Variants in PHF1 observed in about 807,000 individuals in gnomAD.
PHF1 encodes polycomb-like 1.
PHF1 carries 16 observed loss-of-function variants against 69.4 expected under a neutral mutation model. That is an observed-to-expected ratio of 0.23 (90% CI 0.16 to 0.35). The LOEUF (loss-of-function observed/expected upper bound fraction) is 0.35. PHF1 is among the 10% of genes least tolerant of loss of function. The probability of loss-of-function intolerance (pLI) is 1.00; values close to 1 mark genes in which losing one functional copy is unlikely to be tolerated. For synonymous variants in PHF1, 274 were observed against 275.0 expected (o/e 1.00, Z 0.04); for missense variants, 515 against 732.8 (o/e 0.70, Z 3.43).
In PHF1 at chr6:33,416,130, A is replaced by G. The variant is rs1053159017; in HGVS notation, c.*32A>G. On this transcript the variant is annotated 3_prime_UTR_variant, in exon 15 of 15. Coordinates refer to ENST00000374516, the MANE Select transcript of PHF1 (RefSeq NM_024165.3). Reference sequence around the variant, plus strand: ...TGCCTCTGCCCAGCTCCCCATTCACACACACCGGCACTTTCATACCCTGAC... The same window carrying G: ...TGCCTCTGCCCAGCTCCCCATTCACGCACACCGGCACTTTCATACCCTGAC... The G allele has an allele frequency of 6.7e-7, 1 of 1,501,134 alleles. No homozygotes were observed. Among genetic ancestry groups the G allele is most frequent in the African/African-American group, 1.4e-5 (1 of 71,822 alleles). The allele number at this position is 1,501,134 out of a possible 1,614,324, so 93.0% of individuals were successfully genotyped here. A position where few individuals can be genotyped will look rare whatever the true frequency, so the allele number is the denominator to read the frequency against.
intron 6 of PHF1, 22 bp downstream of exon 6, chr6:33,413,579 G>C (rs1202954396): frequency 1.9e-6 from 3 of 1,613,912 alleles, no homozygotes; most frequent in Non-Finnish European, 2.5e-6. Flanking sequence ...GAGGGGAGCA[G>C]ACTGTGGAAT....
chr6:33,414,357 C>T lies in PHF1; in HGVS notation c.867C>T (p.Leu289=), dbSNP rs955233905. ...PFTSENWDSL[L]LGELSDTPKG... is the part of the protein sequence containing the mutation. ...CTTCTGAGAATTGGGACAGTTTGCT[C>T]CTGGGGGAGGTAAGGGGTAGTGCAG... The change falls in exon 9 of 15, where the codon CTC becomes CTT. Residue 289 remains leucine (L), a synonymous_variant. Coordinates refer to ENST00000374516, the MANE Select transcript of PHF1 (RefSeq NM_024165.3). This position sits in a 1 kb window ranked among gnomAD's most constrained non-coding sequence, Gnocchi z 5.0. 5.0e-6 allele frequency: 8 copies of T among 1,613,926 alleles called. No homozygotes were observed. The highest frequency in any genetic ancestry group is 3.3e-5 in the Admixed American group (2 of 59,994).
chr6:33,415,412 C>A, intron 13 of PHF1, 83 bp downstream of exon 13: 2 of 1,290,738 alleles, frequency 1.5e-6, no homozygotes, highest in Non-Finnish European at 2.2e-6. Context: ...GAATTCTTTT[C>A]CCTCTCCCCC....
Position 33,414,342 on chromosome 6 carries a change from T to C in PHF1, c.852T>C (p.Asn284=), listed in dbSNP as rs200906573. The C allele has an allele frequency of 1.9e-6, 3 of 1,614,140 alleles. No individual in the cohort carries two copies. The highest frequency in any genetic ancestry group is 2.5e-6 in the Non-Finnish European group (3 of 1,180,004). ...DREILPFTSE[N]WDSLLLGELS... is the part of the protein sequence containing the mutation. The stretch of plus-strand genomic sequence containing the variant: ...AGATCCTCCCCTTCACTTCTGAGAA[T>C]TGGGACAGTTTGCTCCTGGGGGAGG... Residue 284 remains asparagine, a synonymous_variant, in exon 9 of 15, where the codon AAT becomes AAC. Coordinates refer to ENST00000374516, the MANE Select transcript of PHF1 (RefSeq NM_024165.3). The surrounding 1 kb of genome is among the most constrained non-coding windows in gnomAD (Gnocchi z 5.0).
At chr6:33,411,618 C>T (rs1581936984) in intron 1 of PHF1, among the ~76,000 whole-genome samples, 1 of 152,126 alleles carries the variant, frequency 6.6e-6, no homozygotes, top group Admixed American at 6.5e-5. Context: ...GCTTCTACAA[C>T]CATAATTTCT....
chr6:33,413,012 C>T (rs767675090), intron 4 of PHF1, 184 bp from the exon 5 acceptor site: 15 of 698,452 alleles, frequency 2.1e-5, no homozygotes, highest in South Asian at 3.4e-5. Context: ...CTTTTCTAAC[C>T]ATATGACCTC....
In PHF1 at chr6:33,414,845, G is replaced by C; in HGVS notation, c.1049+16G>C. Reference sequence around the variant, plus strand: ...CACTCACCAGGTCACTGGTCCAGGGGGGATGGGGGAAATTCTCAGGGTGTT... The same window carrying C: ...CACTCACCAGGTCACTGGTCCAGGGCGGATGGGGGAAATTCTCAGGGTGTT... On this transcript the variant is annotated intron_variant, in intron 11 of 14. Transcript: ENST00000374516. This position sits in a 1 kb window ranked among gnomAD's most constrained non-coding sequence, Gnocchi z 5.0. 1.2e-6 allele frequency: 2 copies of C among 1,606,806 alleles called. No individual in the cohort carries two copies. The highest frequency in any genetic ancestry group is 2.2e-5 in the East Asian group (1 of 44,820).
At position 33,411,123 on chromosome 6, in the gene PHF1, C is replaced by T. The variant is rs1312002821; in HGVS notation, c.-109C>T. On this transcript the variant is annotated 5_prime_UTR_variant, in exon 1 of 15. Coordinates refer to ENST00000374516, the MANE Select transcript of PHF1 (RefSeq NM_024165.3). ...CCCCCGGCCTCCGCCTGCACGCCCC[C>T]CCACGCCCGGACGTGCCCTCTCCGC... The T allele has an allele frequency of 6.6e-6, 1 of 152,142 alleles. No homozygotes were observed. The highest frequency in any genetic ancestry group is 1.5e-5 in the Non-Finnish European group (1 of 68,098). The allele number at this position is 152,142 out of a possible 1,614,324, so 9.4% of individuals were successfully genotyped here.
Position 33,416,286 on chromosome 6 carries a change from C to T in PHF1, c.*188C>T, listed in dbSNP as rs555058519. On this transcript the variant is annotated 3_prime_UTR_variant, in exon 15 of 15. Coordinates refer to ENST00000374516, the MANE Select transcript of PHF1 (RefSeq NM_024165.3). Reference sequence around the variant, plus strand: ...CTCTACCCTCCTTCATGATTCCTGACCCCTCCCATCCTTCCCATTTCCTTT... The same window carrying T: ...CTCTACCCTCCTTCATGATTCCTGATCCCTCCCATCCTTCCCATTTCCTTT... 1.1e-3 allele frequency: 551 copies of T among 493,936 alleles called. 1 individual carries two copies. The highest frequency in any genetic ancestry group is 1.6e-3 in the Non-Finnish European group (442 of 282,840). 30.6% of individuals were successfully genotyped at this position (493,936 alleles called of 1,614,324 possible). A position where few individuals can be genotyped will look rare whatever the true frequency, so the allele number is the denominator to read the frequency against.
rs1174130505 is a variant in PHF1, at chr6:33,413,176, G to T, written c.338-20G>T. 1.3e-6 allele frequency: 2 copies of T among 1,598,088 alleles called. No individual in the cohort carries two copies. The highest frequency in any genetic ancestry group is 1.3e-5 in the African/African-American group (1 of 74,600). On this transcript the variant is annotated intron_variant, in intron 4 of 14. Transcript: ENST00000374516. ...AGCACACACAGGTATGCAATAAGTG[G>T]TCTACTATTATCACTGCAGCTTATC...
chr6:33,411,933 T>G (rs952010972), intron 1 of PHF1, among the ~76,000 whole-genome samples: 1 of 151,748 alleles, frequency 6.6e-6, no homozygotes, highest in Admixed American at 6.6e-5. Flanking sequence ...GAAGCTGAGG[T>G]GGGTGGATCA....
intron 5 of PHF1, 27 bp downstream of exon 5, chr6:33,413,323 CTGTGGG>C (rs761977834): frequency 1.4e-4 from 221 of 1,611,052 alleles, no homozygotes; most frequent in Admixed American, 7.0e-4. Context: ...GTTACCCTTC[CTGTGGG>C]AGCCTCCCAT....
rs764819983 is a variant in PHF1, at chr6:33,415,017, C to T, written c.1112C>T (p.Pro371Leu). The T allele has an allele frequency of 2.5e-5, 40 of 1,572,278 alleles. No individual in the cohort carries two copies. The highest frequency in any genetic ancestry group is 5.4e-5 in the African/African-American group (4 of 73,466). The change falls in exon 12 of 15, where the codon CCG becomes CTG. Residue 371 changes from proline to leucine, a missense_variant. Coordinates refer to ENST00000374516, the MANE Select transcript of PHF1 (RefSeq NM_024165.3). Reference sequence around the variant, plus strand: ...CGTCCCCTGGGGAAGCGCCGGAGGCCGGAGCCAGAGCCCCTGAGGAGGAGG... The same window carrying T: ...CGTCCCCTGGGGAAGCGCCGGAGGCTGGAGCCAGAGCCCCTGAGGAGGAGG... ...VSRPLGKRRR[P>L]EPEPLRRRQK...
chr6:33,414,133 C>A lies in PHF1; in HGVS notation c.752+24C>A. The A allele has an allele frequency of 1.2e-6, 2 of 1,614,092 alleles. No individual in the cohort carries two copies. Among genetic ancestry groups the A allele is most frequent in the Non-Finnish European group, 1.7e-6 (2 of 1,179,968 alleles). ...TGGTGAGCTGGATTGGGCATGACCT[C>A]AGTGTAACTCCACACCACAGTATTT... On this transcript the variant is annotated intron_variant, in intron 8 of 14. Coordinates refer to ENST00000374516, the MANE Select transcript of PHF1 (RefSeq NM_024165.3). This position sits in a 1 kb window ranked among gnomAD's most constrained non-coding sequence, Gnocchi z 5.0.
intron 13 of PHF1, 36 bp from the exon 14 acceptor site, chr6:33,415,554 T>C: frequency 4.4e-6 from 7 of 1,605,248 alleles, no homozygotes; most frequent in Non-Finnish European, 6.0e-6. Context: ...CCTGTTCCCC[T>C]GCTTCAGGTC....
chr6:33,416,258 C>T lies in PHF1; in HGVS notation c.*160C>T. ...GAGTGGGGAGTGGGGAAGAGGCCCT[C>T]TTCTCTACCCTCCTTCATGATTCCT... is the stretch of plus-strand genomic sequence containing the variant. On this transcript the variant is annotated 3_prime_UTR_variant, in exon 15 of 15. Transcript: ENST00000374516. 3 of 531,996 alleles carry T rather than the reference C, an allele frequency of 5.6e-6. No homozygotes were observed. Among genetic ancestry groups the T allele is most frequent in the Non-Finnish European group, 9.6e-6 (3 of 312,044 alleles). 33.0% of individuals were successfully genotyped at this position (531,996 alleles called of 1,614,324 possible).
rs761925397 is a variant in PHF1, at chr6:33,415,657, G to A, written c.1402G>A (p.Gly468Arg). Reference sequence around the variant, plus strand: ...CACCGCAGGGACCTCTGGGGACAGTGGACCCCCAGACAGGTGAGATTCTGT... The same window carrying A: ...CACCGCAGGGACCTCTGGGGACAGTAGACCCCCAGACAGGTGAGATTCTGT... ...ASTAGTSGDS[G>R]PPDRSPLELH... The change falls in exon 14 of 15, where the codon GGA (glycine) becomes AGA (arginine). Residue 468 changes from glycine to arginine, a missense_variant. Gly to Arg is a moderately radical substitution (Grantham distance 125, BLOSUM62 -2). Around this residue, in one of 5 missense-constraint regions of PHF1, gnomAD observed 274 missense variants for 304.5 expected, o/e 0.90. Coordinates refer to ENST00000374516, the MANE Select transcript of PHF1 (RefSeq NM_024165.3). 1 of 1,613,816 alleles carries A rather than the reference G, an allele frequency of 6.2e-7. No homozygotes were observed. The highest frequency in any genetic ancestry group is 8.5e-7 in the Non-Finnish European group (1 of 1,179,800).
Position 33,414,391 on chromosome 6 carries a change from G to T in PHF1, c.876+25G>T. 1.2e-6 allele frequency: 2 copies of T among 1,614,022 alleles called. No homozygotes were observed. Among genetic ancestry groups the T allele is most frequent in the South Asian group, 2.2e-5 (2 of 91,078 alleles). ...GGTAAGGGGTAGTGCAGTTTTGGGG[G>T]TTGGGATGGGACAGGGAGATGTAGC... On this transcript the variant is annotated intron_variant, in intron 9 of 14. Transcript: ENST00000374516. This position sits in a 1 kb window ranked among gnomAD's most constrained non-coding sequence, Gnocchi z 5.0.
At position 33,414,581 on chromosome 6, in the gene PHF1, G is replaced by A. The variant is rs199696309; in HGVS notation, c.944+37G>A. On this transcript the variant is annotated intron_variant, in intron 10 of 14. Transcript: ENST00000374516. This position sits in a 1 kb window ranked among gnomAD's most constrained non-coding sequence, Gnocchi z 5.0. ...GGAAGAGGAGGCAAGGATGAGGCTCGGAAAGAGATGGAGAGTGGAAGCCTG... is the reference window on the plus strand; with the variant it reads ...GGAAGAGGAGGCAAGGATGAGGCTCAGAAAGAGATGGAGAGTGGAAGCCTG... The A allele has an allele frequency of 2.1e-5, 33 of 1,603,798 alleles. No individual in the cohort carries two copies. In the East Asian group the frequency reaches 4.7e-4, roughly 23 times the overall value.
Sources: allele counts gnomAD v4.1 joint callset (sites outside exome capture counted in the v4.1 genomes callset), GRCh38; gene constraint gnomAD v4.1.1; regional missense constraint gnomAD v4.1.1; non-coding constraint Gnocchi (gnomAD v3.1); transcripts MANE v1.5; gene names NCBI Gene and HGNC (gene_info 2026-07-23, HGNC 2026-07-21).